SLC4A4: variants seen among roughly 807,000 people sequenced by gnomAD.
SLC4A4 encodes solute carrier family 4 member 4.
In SLC4A4, 27 loss-of-function variants were observed where a neutral mutation model predicts 111.5. The ratio of observed to expected loss-of-function variants is 0.24; its 90% confidence interval spans 0.18 to 0.33. The LOEUF is 0.33. Ranked by LOEUF, SLC4A4 falls within the 10% of genes least tolerant of loss-of-function variation. The pLI is 1.00. For synonymous variants in SLC4A4, 443 were observed against 463.4 expected (o/e 0.96, Z 0.57); for missense variants, 909 against 1,315.5 (o/e 0.69, Z 4.78).
Position 71,338,524 on chromosome 4 carries a change from T to C in SLC4A4, c.254-846T>C, listed in dbSNP as rs1728611719. 3.3e-5 allele frequency among the ~76,000 whole-genome samples: 5 copies of C among 151,876 alleles called. No homozygotes were observed. In the South Asian group the frequency reaches 1.0e-3, roughly 32 times the overall value. ...TTTCTTTCTCTCTCTCTCTTTCTTT[T>C]CTTCTTCTTCTTCTTTCTTCTTTCG... On this transcript the variant is annotated intron_variant, in intron 3 of 25. Transcript: ENST00000264485.
At chr4:71,404,973 G>T (rs78682384) in intron 7 of SLC4A4, among the ~76,000 whole-genome samples, 1 of 150,468 alleles carries the variant, frequency 6.6e-6, no homozygotes, top group African/African-American at 2.4e-5. Context: ...TTTTTTTTTT[G>T]TGTATATATA....
intron 2 of SLC4A4, among the ~76,000 whole-genome samples, chr4:71,124,907 A>G (rs905069415): frequency 6.6e-6 from 1 of 152,224 alleles, no homozygotes. Context: ...CTAAAAGGGA[A>G]GAAAAGTTAA....
intron 7 of SLC4A4, among the ~76,000 whole-genome samples, chr4:71,399,820 A>G (rs1429495423): frequency 6.6e-6 from 1 of 152,010 alleles, no homozygotes; most frequent in Non-Finnish European, 1.5e-5. Flanking sequence ...CCCACTTTAC[A>G]TTGAGATAAA....
At chr4:71,485,827 G>C (rs1481666433) in intron 14 of SLC4A4, among the ~76,000 whole-genome samples, 1 of 151,252 alleles carries the variant, frequency 6.6e-6, no homozygotes, top group Non-Finnish European at 1.5e-5. Context: ...TTTATTGACA[G>C]TAAACAAATA....
At chr4:71,282,597 T>TC (rs1457225133) in intron 3 of SLC4A4, among the ~76,000 whole-genome samples, 3 of 151,790 alleles carry the variant, frequency 2.0e-5, no homozygotes, top group African/African-American at 7.3e-5. Flanking sequence ...TTTTTTTTTT[T>TC]TTAAAGACAA....
intron 3 of SLC4A4, among the ~76,000 whole-genome samples, chr4:71,258,010 G>A (rs1437513667): frequency 6.6e-6 from 1 of 152,174 alleles, no homozygotes; most frequent in Non-Finnish European, 1.5e-5. Context: ...TGCTTTTTAA[G>A]TATTTCTTCA....
intron 6 of SLC4A4, among the ~76,000 whole-genome samples, chr4:71,384,265 G>T (rs1164622586): frequency 2.6e-5 from 4 of 152,194 alleles, no homozygotes; most frequent in Non-Finnish European, 4.4e-5. Context: ...AATGGGACAG[G>T]TTGTACCCTA....
chr4:71,078,658 C>T (rs888223279), intron 1 of SLC4A4, among the ~76,000 whole-genome samples: 2 of 152,126 alleles, frequency 1.3e-5, no homozygotes, highest in Non-Finnish European at 2.9e-5. Flanking sequence ...AGGCCTTCTT[C>T]GCTCAGCTCA....
At chr4:71,434,522 G>C (rs1723937806) in intron 7 of SLC4A4, 1 of 163,990 alleles carries the variant, frequency 6.1e-6, no homozygotes, top group African/African-American at 2.4e-5. Context: ...TCTGTCCTAG[G>C]ATACAAGGAA....
intron 15 of SLC4A4, among the ~76,000 whole-genome samples, chr4:71,491,557 G>GGT (rs1033765071): frequency 3.8e-4 from 57 of 151,630 alleles, no homozygotes; most frequent in African/African-American, 1.3e-3. Flanking sequence ...ACTGAGTGTG[G>GGT]GTGTGTGTGT....
At chr4:71,376,335 G>C (rs1732389610) in intron 6 of SLC4A4, among the ~76,000 whole-genome samples, 1 of 150,796 alleles carries the variant, frequency 6.6e-6, no homozygotes, top group South Asian at 2.1e-4. Flanking sequence ...CCAAGTAGCT[G>C]GGACTACGGG....
intron 7 of SLC4A4, among the ~76,000 whole-genome samples, chr4:71,402,271 C>A (rs978117742): frequency 3.3e-5 from 5 of 152,148 alleles, no homozygotes; most frequent in Admixed American, 2.0e-4. Context: ...AACCCCCAAT[C>A]CTTTTCTTAC....
At chr4:71,490,082 A>G (rs762223925) in intron 15 of SLC4A4, among the ~76,000 whole-genome samples, 2 of 151,728 alleles carry the variant, frequency 1.3e-5, no homozygotes, top group South Asian at 2.1e-4. Flanking sequence ...ACTTTCTCCA[A>G]TTTTTCTATA....
intron 3 of SLC4A4, among the ~76,000 whole-genome samples, chr4:71,304,452 T>C (rs892679581): frequency 8.5e-5 from 13 of 152,204 alleles, no homozygotes; most frequent in African/African-American, 2.4e-4. Context: ...ATCTTTTTGT[T>C]TGATTTTGTC....
chr4:71,550,845 A>T (rs1479984394), intron 20 of SLC4A4, among the ~76,000 whole-genome samples: 1 of 151,842 alleles, frequency 6.6e-6, no homozygotes, highest in Non-Finnish European at 1.5e-5. Context: ...TTTCATTTTT[A>T]TTCTGATCTC....
chr4:71,456,225 C>T (rs1316272847), intron 12 of SLC4A4, among the ~76,000 whole-genome samples: 1 of 152,112 alleles, frequency 6.6e-6, no homozygotes, highest in African/African-American at 2.4e-5. Flanking sequence ...ACATGTTTTT[C>T]ACTCTCTTCC....
At chr4:71,462,392 A>G (rs1017269749) in intron 12 of SLC4A4, among the ~76,000 whole-genome samples, 51 of 146,346 alleles carry the variant, frequency 3.5e-4, no homozygotes, top group African/African-American at 1.2e-3. Context: ...GACCTTAGAG[A>G]TTATCCAGTC....
At chr4:71,068,472 T>G (rs1038774153) in intron 1 of SLC4A4, among the ~76,000 whole-genome samples, 1 of 152,164 alleles carries the variant, frequency 6.6e-6, no homozygotes, top group Admixed American at 6.5e-5. Flanking sequence ...GTGTGCTCTC[T>G]CTCTTAGGCA....
At chr4:71,070,461 G>A (rs1016465191) in intron 1 of SLC4A4, among the ~76,000 whole-genome samples, 3 of 152,068 alleles carry the variant, frequency 2.0e-5, no homozygotes, top group South Asian at 2.1e-4. Context: ...AGCAATGTAC[G>A]ACACTTTCAT....
Sources: gnomAD v4.1 joint callset for allele counts (sites outside exome capture counted in the v4.1 genomes callset) on GRCh38, gnomAD v4.1.1 for gene constraint, MANE v1.5 for transcripts, NCBI Gene and HGNC (gene_info 2026-07-23, HGNC 2026-07-21) for gene names.